Variants in FAM234A observed in about 807,000 individuals in gnomAD.
The protein encoded by FAM234A is family with sequence similarity 234 member A, also known as protein FAM234A.
In FAM234A, 42 loss-of-function variants were observed where a neutral mutation model predicts 49.1. That is an observed-to-expected ratio of 0.86 (90% confidence interval 0.67 to 1.11). The LOEUF (loss-of-function observed/expected upper bound fraction) is 1.11. Ranked by LOEUF, FAM234A falls within the 50% of genes least tolerant of loss-of-function variation. FAM234A has a pLI of 0.00. For missense variants in FAM234A, 815 were observed against 745.2 expected (o/e 1.09, Z -1.09); for synonymous variants, 369 against 316.2 (o/e 1.17, Z -1.77).
At chr16:263,484 C>T (rs1596853695) in intron 9 of FAM234A, 82 bp downstream of exon 9, 2 of 1,559,956 alleles carry the variant, frequency 1.3e-6, no homozygotes, top group African/African-American at 1.4e-5. Context: ...GGCGAGGAGA[C>T]AGCGCTGGGG....
chr16:244,242 A>G (rs552170361), intron 1 of FAM234A, among the ~76,000 whole-genome samples: 86 of 152,340 alleles, frequency 5.6e-4, no homozygotes, highest in African/African-American at 2.0e-3. Context: ...TGCTGGGATT[A>G]CAGGCGTGAG....
At position 265,192 on chromosome 16, in the gene FAM234A, C is replaced by T; in HGVS notation, c.*170C>T. ...GTCCTCCATGATCACACCCAGGGAC[C>T]TGCATGGGTGAGGGGACACCCTGGG... is the stretch of plus-strand genomic sequence containing the variant. On this transcript the variant is annotated 3_prime_UTR_variant, in exon 13 of 13. Coordinates refer to ENST00000399932, the MANE Select transcript of FAM234A (RefSeq NM_032039.4). The T allele has an allele frequency of 1.4e-6, 2 of 1,418,712 alleles. No individual in the cohort carries two copies. The highest frequency in any genetic ancestry group is 3.2e-5 in the South Asian group (2 of 62,988). The allele number at this position is 1,418,712 out of a possible 1,614,324, so 87.9% of individuals were successfully genotyped here. A position where few individuals can be genotyped will look rare whatever the true frequency, so the allele number is the denominator to read the frequency against.
chr16:252,972 C>T lies in FAM234A; in HGVS notation c.-33-1409C>T, dbSNP rs554433988. Among the ~76,000 whole-genome samples the T allele has an allele frequency of 5.1e-4, 78 of 152,286 alleles. 1 individual carries two copies. The highest frequency in any genetic ancestry group is 1.8e-3 in the African/African-American group (74 of 41,550). Reference sequence around the variant, plus strand: ...TTACCTCAAATCTGCATGATCACGTCCAGTCTCTCAGTATGATGTGTTAGG... The same window carrying T: ...TTACCTCAAATCTGCATGATCACGTTCAGTCTCTCAGTATGATGTGTTAGG... On this transcript the variant is annotated intron_variant, in intron 2 of 12. Coordinates refer to ENST00000399932, the MANE Select transcript of FAM234A (RefSeq NM_032039.4).
chr16:246,595 A>G (rs2050817561), intron 1 of FAM234A, among the ~76,000 whole-genome samples: 1 of 147,898 alleles, frequency 6.8e-6, no homozygotes. Context: ...AATTTTTTGT[A>G]TTTTTAGTAG....
rs767954834 is a variant in FAM234A at position 265,029 on chromosome 16, G to A, written c.*7G>A. 33 of 1,589,704 alleles carry A rather than the reference G, an allele frequency of 2.1e-5. No individual in the cohort carries two copies. Among genetic ancestry groups the A allele is most frequent in the African/African-American group, 1.5e-4 (11 of 74,578 alleles). On this transcript the variant is annotated 3_prime_UTR_variant, in exon 13 of 13. Coordinates refer to ENST00000399932, the MANE Select transcript of FAM234A (RefSeq NM_032039.4). The stretch of plus-strand genomic sequence containing the variant: ...GTACCAGAGTGAGGCGTAGAGGCAC[G>A]CCAGCCAGAGCCTGTGGAGAGACTC...
downstream of FAM234A, chr16:269,199 C>T (rs527708863): frequency 5.3e-5 from 64 of 1,205,956 alleles, no homozygotes; most frequent in Non-Finnish European, 7.2e-5. Context: ...TGGGCCAAGA[C>T]GGGGGTGGCT....
At chr16:235,565 T>C (rs546456702) in intron 1 of FAM234A, among the ~76,000 whole-genome samples, 2 of 152,292 alleles carry the variant, frequency 1.3e-5, no homozygotes, top group African/African-American at 4.8e-5. Context: ...TTTCACTTAC[T>C]CTCTGGTTCT....
intron 3 of FAM234A, among the ~76,000 whole-genome samples, chr16:256,723 G>A (rs945146311): frequency 3.4e-5 from 5 of 148,656 alleles, no homozygotes; most frequent in African/African-American, 1.2e-4. Flanking sequence ...ACAGGCACAG[G>A]CTACCATGCC....
rs371708242 is a variant in FAM234A at position 259,952 on chromosome 16, G to C, written c.386-17G>C. 6.8e-6 allele frequency: 11 copies of C among 1,607,502 alleles called. No individual in the cohort carries two copies. Among genetic ancestry groups the C allele is most frequent in the Non-Finnish European group, 9.3e-6 (11 of 1,176,540 alleles). On this transcript the variant is annotated splice_polypyrimidine_tract_variant and intron_variant, in intron 4 of 12. Transcript: ENST00000399932. ...CCAGATGGTGCAACAGTGAGGTGCCGGTGTCTCTCCCTACAGGCTTTTCCT... is the reference window on the plus strand; with the variant it reads ...CCAGATGGTGCAACAGTGAGGTGCCCGTGTCTCTCCCTACAGGCTTTTCCT...
At chr16:242,666 G>A (rs927528925) in intron 1 of FAM234A, among the ~76,000 whole-genome samples, 4 of 149,360 alleles carry the variant, frequency 2.7e-5, no homozygotes, top group Non-Finnish European at 5.9e-5. Flanking sequence ...AGGCTGGAGT[G>A]CAATGGCGCT....
intron 2 of FAM234A, among the ~76,000 whole-genome samples, chr16:251,123 G>A (rs965175652): frequency 4.6e-5 from 7 of 152,046 alleles, no homozygotes; most frequent in Non-Finnish European, 8.8e-5. Context: ...TGCCCATCTA[G>A]TTTTTTTGTA....
chr16:265,165 C>CG lies in FAM234A; in HGVS notation c.*143_*144insG. ...CGCCACTGGGCAGCAGCAGCCTTAC[C>CG]AGTCCTCCATGATCACACCCAGGGA... On this transcript the variant is annotated 3_prime_UTR_variant, in exon 13 of 13. Coordinates refer to ENST00000399932, the MANE Select transcript of FAM234A (RefSeq NM_032039.4). The CG allele has an allele frequency of 7.0e-7, 1 of 1,432,244 alleles. No individual in the cohort carries two copies. Among genetic ancestry groups the CG allele is most frequent in the Non-Finnish European group, 9.1e-7 (1 of 1,096,740 alleles). 88.7% of individuals were successfully genotyped at this position (1,432,244 alleles called of 1,614,324 possible).
rs1015398162 is a variant in FAM234A at position 245,777 on chromosome 16, A to G, written c.-139-3772A>G. On this transcript the variant is annotated intron_variant, in intron 1 of 12. Transcript: ENST00000399932. The stretch of plus-strand genomic sequence containing the variant: ...AGGGTTGGACAAGCTTGGGTTAGAC[A>G]TTTCATAATATATTTAGTTCATCAG... Among the ~76,000 whole-genome samples the G allele has an allele frequency of 8.5e-5, 13 of 152,312 alleles. No individual in the cohort carries two copies. In the East Asian group the frequency reaches 1.5e-3, roughly 18 times the overall value.
Position 265,398 on chromosome 16 carries a change from C to T in FAM234A, c.*376C>T. The T allele has an allele frequency of 9.7e-7, 1 of 1,033,156 alleles. No homozygotes were observed. 64.0% of individuals were successfully genotyped at this position (1,033,156 alleles called of 1,614,324 possible). On this transcript the variant is annotated 3_prime_UTR_variant, in exon 13 of 13. Transcript: ENST00000399932. ...CTCTCCTTGCCAGCTTCTCCCCAGG[C>T]CAGAGCGGCCATCGCGTAGAAAGAA...
chr16:242,697 C>G (rs1056826464), intron 1 of FAM234A, among the ~76,000 whole-genome samples: 18 of 151,380 alleles, frequency 1.2e-4, no homozygotes, highest in Non-Finnish European at 2.2e-4. Flanking sequence ...ACTGCAACCT[C>G]TGCCCCCCGG....
At chr16:258,984 C>T (rs2051349622) in intron 3 of FAM234A, among the ~76,000 whole-genome samples, 2 of 152,102 alleles carry the variant, frequency 1.3e-5, no homozygotes, top group African/African-American at 4.8e-5. Context: ...GGGTTTCACA[C>T]GTTGGCCAAG....
chr16:261,806 T>C (rs1252392113), intron 6 of FAM234A, among the ~76,000 whole-genome samples: 2 of 152,196 alleles, frequency 1.3e-5, no homozygotes, highest in African/African-American at 4.8e-5. Context: ...TGTGAGGCAC[T>C]GGGGCTGCCC....
intron 1 of FAM234A, among the ~76,000 whole-genome samples, chr16:238,598 C>G (rs1026605993): frequency 2.6e-5 from 4 of 151,122 alleles, no homozygotes; most frequent in Non-Finnish European, 5.9e-5. Flanking sequence ...AATCCCGTCT[C>G]TACTAAAAAT....
chr16:251,515 C>T (rs533132009), intron 2 of FAM234A, among the ~76,000 whole-genome samples: 16 of 151,812 alleles, frequency 1.1e-4, no homozygotes, highest in South Asian at 1.0e-3. Context: ...GCTGAGACCA[C>T]GGGCGAGCGC....
Sources: allele counts gnomAD v4.1 joint callset (sites outside exome capture counted in the v4.1 genomes callset), GRCh38; gene constraint gnomAD v4.1.1; transcripts MANE v1.5; gene names NCBI Gene and HGNC (gene_info 2026-07-23, HGNC 2026-07-21).